The following AUTS2 variants were observed in gnomAD, a reference collection of about 807,000 sequenced individuals.
The protein encoded by AUTS2 is activator of transcription and developmental regulator AUTS2, also known as autism susceptibility gene 2 protein.
AUTS2 carries 17 observed loss-of-function variants against 112.4 expected under a neutral mutation model. The ratio of observed to expected loss-of-function variants is 0.15; its 90% CI spans 0.10 to 0.23. AUTS2 has a LOEUF of 0.23. Ranked by LOEUF, AUTS2 falls within the 10% of genes least tolerant of loss-of-function variation. The probability of loss-of-function intolerance (pLI) is 1.00; values close to 1 mark genes in which losing one functional copy is unlikely to be tolerated. For missense variants in AUTS2, 1,510 were observed against 1,701.6 expected (o/e 0.89, Z 1.98); for synonymous variants, 751 against 702.7 (o/e 1.07, Z -1.09).
chr7:69,950,643 C>G (rs1224485206), intron 2 of AUTS2, among the ~76,000 whole-genome samples: 3 of 152,058 alleles, frequency 2.0e-5, no homozygotes, highest in Non-Finnish European at 4.4e-5. Flanking sequence ...CTTTTCTGAT[C>G]ACCTTATACC....
intron 1 of AUTS2, among the ~76,000 whole-genome samples, chr7:69,836,051 C>T (rs575789126): frequency 6.6e-6 from 1 of 152,250 alleles, no homozygotes; most frequent in East Asian, 1.9e-4. Flanking sequence ...TTCAGTTGAC[C>T]ATTGGAAAGC....
chr7:70,332,594 G>A (rs186956494), intron 4 of AUTS2, among the ~76,000 whole-genome samples: 2 of 152,282 alleles, frequency 1.3e-5, no homozygotes, highest in Admixed American at 6.5e-5. Flanking sequence ...ACAACAGCAT[G>A]GTACTGGTAC....
At chr7:70,650,371 C>T (rs1806436855) in intron 5 of AUTS2, among the ~76,000 whole-genome samples, 1 of 152,202 alleles carries the variant, frequency 6.6e-6, no homozygotes, top group South Asian at 2.1e-4. Context: ...AGTACCTGAA[C>T]AAAACCTGGG....
Position 70,127,417 on chromosome 7 carries a change from A to G in AUTS2, c.625-7119A>G, listed in dbSNP as rs550732511. Among the ~76,000 whole-genome samples the G allele has an allele frequency of 1.1e-4, 17 of 152,282 alleles. No homozygotes were observed. The South Asian group carries it at 3.3e-3, about 30-fold the overall frequency. On this transcript the variant is annotated intron_variant, in intron 3 of 18. Coordinates refer to ENST00000342771, the MANE Select transcript of AUTS2 (RefSeq NM_015570.4). The stretch of plus-strand genomic sequence containing the variant: ...CTCCCAAAGCCCTGGGATTATACAC[A>G]TGAGCCTCCACGCTTGGCCTATTTT...
At chr7:70,363,707 C>A (rs1792396846) in intron 4 of AUTS2, among the ~76,000 whole-genome samples, 1 of 152,058 alleles carries the variant, frequency 6.6e-6, no homozygotes, top group South Asian at 2.1e-4. Context: ...CCATGTACTC[C>A]ATACTCTATT....
intron 4 of AUTS2, among the ~76,000 whole-genome samples, chr7:70,339,200 A>T (rs1380862389): frequency 1.3e-5 from 2 of 152,094 alleles, no homozygotes; most frequent in Admixed American, 6.5e-5. Flanking sequence ...TCTCATTTTA[A>T]AAACAAGTAA....
chr7:70,333,487 A>G (rs561008530), intron 4 of AUTS2, among the ~76,000 whole-genome samples: 5 of 152,190 alleles, frequency 3.3e-5, no homozygotes, highest in Admixed American at 2.0e-4. Flanking sequence ...AAATCCTTCT[A>G]CTATAAAGAC....
chr7:69,822,795 T>A (rs1791056304), intron 1 of AUTS2, among the ~76,000 whole-genome samples: 1 of 152,186 alleles, frequency 6.6e-6, no homozygotes, highest in African/African-American at 2.4e-5. Context: ...AATATCTGCC[T>A]AGTGGGAGTC....
intron 1 of AUTS2, among the ~76,000 whole-genome samples, chr7:69,745,181 G>A (rs1023326274): frequency 3.9e-5 from 6 of 152,118 alleles, no homozygotes; most frequent in African/African-American, 1.2e-4. Context: ...CCTACGCCTC[G>A]TGTATAGATT....
intron 1 of AUTS2, among the ~76,000 whole-genome samples, chr7:69,842,857 A>C (rs1443861798): frequency 6.6e-6 from 1 of 152,126 alleles, no homozygotes; most frequent in African/African-American, 2.4e-5. Flanking sequence ...GCAGATCCCT[A>C]ATGGCTGGCT....
chr7:70,088,527 C>CTT (rs34484649), intron 2 of AUTS2, among the ~76,000 whole-genome samples: 5 of 139,434 alleles, frequency 3.6e-5, no homozygotes, highest in Admixed American at 7.1e-5. Context: ...CTTTTGCTCT[C>CTT]TTTTTTTTTT....
chr7:69,915,132 C>T lies in AUTS2; in HGVS notation c.522+15634C>T, dbSNP rs1312420166. Among the ~76,000 whole-genome samples the T allele has an allele frequency of 4.6e-5, 7 of 152,122 alleles. No homozygotes were observed. In the East Asian group the frequency reaches 1.4e-3, roughly 29 times the overall value. On this transcript the variant is annotated intron_variant, in intron 2 of 18. Coordinates refer to ENST00000342771, the MANE Select transcript of AUTS2 (RefSeq NM_015570.4). The stretch of plus-strand genomic sequence containing the variant: ...TAACAACAAGTGAGGCTGAGGCTGG[C>T]AGATTAAATGCAGTTCAAAGGGAGA...
chr7:69,651,138 C>T (rs538665261), intron 1 of AUTS2, among the ~76,000 whole-genome samples: 1 of 152,136 alleles, frequency 6.6e-6, no homozygotes, highest in Non-Finnish European at 1.5e-5. Flanking sequence ...CTAGTAGTGT[C>T]GTGAGGACTG....
chr7:70,628,327 T>C (rs7458487), intron 5 of AUTS2, among the ~76,000 whole-genome samples: 7 of 27,312 alleles, frequency 2.6e-4, no homozygotes, highest in Admixed American at 8.2e-4. Flanking sequence ...TATATATATA[T>C]ACATATATAT....
intron 6 of AUTS2, among the ~76,000 whole-genome samples, chr7:70,703,497 A>C (rs1003843398): frequency 3.4e-5 from 5 of 147,676 alleles, no homozygotes; most frequent in African/African-American, 1.1e-4. Context: ...TTTCAAAAAA[A>C]AAAAAAAAAA....
At chr7:70,721,893 A>G (rs536945189) in intron 6 of AUTS2, among the ~76,000 whole-genome samples, 1 of 152,286 alleles carries the variant, frequency 6.6e-6, no homozygotes, top group Admixed American at 6.5e-5. Flanking sequence ...TTCAGTATTC[A>G]TCTGCTGCAC....
At chr7:70,746,081 T>C (rs1334426832) in intron 6 of AUTS2, among the ~76,000 whole-genome samples, 1 of 152,224 alleles carries the variant, frequency 6.6e-6, no homozygotes, top group South Asian at 2.1e-4. Flanking sequence ...AAGGCAAAGA[T>C]TGAAAGAAAT....
intron 2 of AUTS2, among the ~76,000 whole-genome samples, chr7:69,938,816 G>C (rs1236333426): frequency 6.6e-6 from 1 of 152,172 alleles, no homozygotes; most frequent in African/African-American, 2.4e-5. Flanking sequence ...TTGAGTAGGT[G>C]AGTAAGACAG....
At chr7:69,628,689 A>AT (rs1490227053) in intron 1 of AUTS2, among the ~76,000 whole-genome samples, 2 of 152,088 alleles carry the variant, frequency 1.3e-5, no homozygotes, top group Non-Finnish European at 2.9e-5. Context: ...AGAGGGGGAG[A>AT]TGCCACACTT....
Sources: gnomAD v4.1 joint callset for allele counts (sites outside exome capture counted in the v4.1 genomes callset) on GRCh38, gnomAD v4.1.1 for gene constraint, MANE v1.5 for transcripts, NCBI Gene and HGNC (gene_info 2026-07-23, HGNC 2026-07-21) for gene names.